Variants in ZNF385D observed in about 807,000 individuals in gnomAD.
ZNF385D encodes zinc finger protein 659.
In ZNF385D, 15 loss-of-function variants were observed where a neutral mutation model predicts 35.8. The observed-to-expected ratio is 0.42, with a 90% CI of 0.28 to 0.64. ZNF385D has a LOEUF of 0.64. Ranked by LOEUF, ZNF385D falls within the 30% of genes least tolerant of loss-of-function variation. The pLI, the probability that ZNF385D is intolerant of heterozygous loss-of-function variation, is 0.23. For synonymous variants in ZNF385D, 212 were observed against 186.8 expected (o/e 1.13, Z -1.10); for missense variants, 474 against 494.6 (o/e 0.96, Z 0.39).
chr3:21,712,082 C>G (rs2068130875), intron 1 of ZNF385D, among the ~76,000 whole-genome samples: 1 of 132,796 alleles, frequency 7.5e-6, no homozygotes, highest in African/African-American at 3.0e-5. Flanking sequence ...TCTTCTGCTA[C>G]CAGCTACCAC....
chr3:22,265,683 G>C (rs182861135), intron 2 of ZNF385D, among the ~76,000 whole-genome samples: 6 of 152,076 alleles, frequency 3.9e-5, no homozygotes, highest in African/African-American at 1.4e-4. Flanking sequence ...AGAGGAAGGA[G>C]TGATCAGAAA....
At chr3:21,828,515 T>A (rs889429040) in intron 3 of ZNF385D, among the ~76,000 whole-genome samples, 1 of 152,238 alleles carries the variant, frequency 6.6e-6, no homozygotes, top group Non-Finnish European at 1.5e-5. Flanking sequence ...CCTACATCAT[T>A]TTGACATTTA....
intron 2 of ZNF385D, among the ~76,000 whole-genome samples, chr3:22,284,946 A>G (rs1701950446): frequency 6.6e-6 from 1 of 152,162 alleles, no homozygotes; most frequent in African/African-American, 2.4e-5. Flanking sequence ...TCAACAAATG[A>G]ATGTGGAAGG....
chr3:22,178,950 G>C (rs1046035073), intron 2 of ZNF385D, among the ~76,000 whole-genome samples: 6 of 150,638 alleles, frequency 4.0e-5, no homozygotes, highest in Admixed American at 2.7e-4. Flanking sequence ...CTATATCTCT[G>C]TTTTGGTACC....
intron 3 of ZNF385D, among the ~76,000 whole-genome samples, chr3:21,997,875 G>A (rs1289630608): frequency 3.0e-5 from 1 of 33,466 alleles, no homozygotes; most frequent in African/African-American, 1.4e-4. Context: ...GCGCGCGCGT[G>A]TGTGTGTGTG....
chr3:21,589,849 C>T (rs550708495), intron 2 of ZNF385D, among the ~76,000 whole-genome samples: 1 of 151,836 alleles, frequency 6.6e-6, no homozygotes, highest in African/African-American at 2.4e-5. Flanking sequence ...CAGTAGCAAC[C>T]ACTGATGAAG....
At chr3:21,620,252 CTT>C (rs1202507243) in intron 2 of ZNF385D, among the ~76,000 whole-genome samples, 2 of 152,104 alleles carry the variant, frequency 1.3e-5, no homozygotes, top group African/African-American at 4.8e-5. Context: ...CCTCTAATAT[CTT>C]TTCCAAAACA....
At chr3:21,888,121 T>G (rs1270882333) in intron 3 of ZNF385D, among the ~76,000 whole-genome samples, 1 of 152,168 alleles carries the variant, frequency 6.6e-6, no homozygotes, top group East Asian at 1.9e-4. Flanking sequence ...TTTTTTTAAA[T>G]TCTAGTTAAT....
At chr3:21,994,817 G>A (rs975619518) in intron 3 of ZNF385D, among the ~76,000 whole-genome samples, 1 of 152,230 alleles carries the variant, frequency 6.6e-6, no homozygotes, top group African/African-American at 2.4e-5. Flanking sequence ...TGCATCAATA[G>A]TGTCTATGAT....
At chr3:21,725,086 G>A (rs1416842356) in intron 1 of ZNF385D, among the ~76,000 whole-genome samples, 1 of 152,112 alleles carries the variant, frequency 6.6e-6, no homozygotes, top group Non-Finnish European at 1.5e-5. Flanking sequence ...ATGACTACTG[G>A]ATAAATAACA....
intron 2 of ZNF385D, among the ~76,000 whole-genome samples, chr3:22,213,894 T>C (rs901455830): frequency 6.6e-6 from 1 of 152,084 alleles, no homozygotes; most frequent in African/African-American, 2.4e-5. Flanking sequence ...GGAGAGAATT[T>C]ACACCAGAAG....
chr3:21,869,637 A>C (rs1559707976), intron 3 of ZNF385D, among the ~76,000 whole-genome samples: 1 of 152,164 alleles, frequency 6.6e-6, no homozygotes, highest in Non-Finnish European at 1.5e-5. Flanking sequence ...ATGCAGTTAG[A>C]GGAACTCTAA....
chr3:21,717,293 T>A (rs1459979392), intron 1 of ZNF385D, among the ~76,000 whole-genome samples: 2 of 152,178 alleles, frequency 1.3e-5, no homozygotes, highest in Non-Finnish European at 2.9e-5. Flanking sequence ...TAAAATCACA[T>A]AATACATTCA....
intron 3 of ZNF385D, among the ~76,000 whole-genome samples, chr3:22,140,524 A>G (rs1307458771): frequency 1.3e-5 from 2 of 151,936 alleles, no homozygotes; most frequent in Admixed American, 6.6e-5. Flanking sequence ...ATAGAACTAT[A>G]CCCCCCCAAA....
chr3:21,571,944 A>G (rs571033478), intron 2 of ZNF385D, among the ~76,000 whole-genome samples: 84 of 152,088 alleles, frequency 5.5e-4, no homozygotes, highest in African/African-American at 2.0e-3. Flanking sequence ...ACCTCACCCA[A>G]ATTTCGCCGT....
At chr3:21,907,915 T>C (rs938350261) in intron 3 of ZNF385D, among the ~76,000 whole-genome samples, 1 of 151,960 alleles carries the variant, frequency 6.6e-6, no homozygotes, top group Non-Finnish European at 1.5e-5. Flanking sequence ...CTATTAGAAA[T>C]AGGCCCAGAA....
At chr3:21,436,767 G>C in intron 5 of ZNF385D, 1 of 573,838 alleles carries the variant, frequency 1.7e-6, no homozygotes, top group South Asian at 2.3e-5. Context: ...ACACACCATG[G>C]ACTTCGAGCC....
intron 3 of ZNF385D, among the ~76,000 whole-genome samples, chr3:21,994,833 A>C (rs6768204): frequency 0.65 from 99,625 of 152,114 alleles, 33,908 homozygotes; most frequent in African/African-American, 0.82. Context: ...ATGATTTCCT[A>C]AGTTCCTTAG....
chr3:22,141,206 T>C (rs139464316), intron 3 of ZNF385D, among the ~76,000 whole-genome samples: 12 of 152,294 alleles, frequency 7.9e-5, no homozygotes, highest in Non-Finnish European at 1.5e-4. Flanking sequence ...GGATGCCGAA[T>C]GTACAACAAT....
Sources: gnomAD v4.1 joint callset for allele counts (sites outside exome capture counted in the v4.1 genomes callset) on GRCh38, gnomAD v4.1.1 for gene constraint, MANE v1.5 for transcripts, NCBI Gene and HGNC (gene_info 2026-07-23, HGNC 2026-07-21) for gene names.